Variants in DGKH observed in about 807,000 individuals in gnomAD.
DGKH encodes DAG kinase eta.
In DGKH, 90 loss-of-function variants were observed where a neutral mutation model predicts 159.3. The ratio of observed to expected loss-of-function variants is 0.57; its 90% CI spans 0.48 to 0.67. The LOEUF (loss-of-function observed/expected upper bound fraction) is 0.67. Among genes scored for constraint, DGKH ranks in the 30% least tolerant of loss-of-function variants. DGKH has a pLI of 0.00. For missense variants in DGKH, 1,181 were observed against 1,506.1 expected (o/e 0.78, Z 3.57); for synonymous variants, 536 against 553.8 (o/e 0.97, Z 0.45).
At chr13:42,088,742 G>A (rs1389536367) in intron 1 of DGKH, among the ~76,000 whole-genome samples, 2 of 152,072 alleles carry the variant, frequency 1.3e-5, no homozygotes, top group Non-Finnish European at 2.9e-5. Context: ...ATATTAAACA[G>A]CAAAATTGTA....
At chr13:42,183,918 C>G (rs866525346) in intron 13 of DGKH, among the ~76,000 whole-genome samples, 1 of 152,210 alleles carries the variant, frequency 6.6e-6, no homozygotes, top group Non-Finnish European at 1.5e-5. Context: ...CTTACGCACT[C>G]TACTCACCCC....
At position 42,127,534 on chromosome 13, in the gene DGKH, A is replaced by G. The variant is rs1178206266; in HGVS notation, c.264A>G (p.Lys88=). 1 of 1,613,780 alleles carries G rather than the reference A, an allele frequency of 6.2e-7. No homozygotes were observed. Among genetic ancestry groups the G allele is most frequent in the East Asian group, 2.2e-5 (1 of 44,862 alleles). ...SFQRWKKRYF[K]LRGRTLYYAK... ...AAAGGTGGAAAAAGCGATACTTCAA[A>G]CTTCGAGGCCGCACCCTTTACTATG... is the stretch of plus-strand genomic sequence containing the variant. The change falls in exon 2 of 30, where the codon AAA becomes AAG. Residue 88 remains lysine, a synonymous_variant. Transcript: ENST00000337343.
At chr13:42,192,627 T>TTTCTTC (rs140648748) in intron 16 of DGKH, among the ~76,000 whole-genome samples, 2 of 150,456 alleles carry the variant, frequency 1.3e-5, no homozygotes, top group African/African-American at 2.4e-5. Flanking sequence ...TTCTTTCTTC[T>TTTCTTC]TTCTTCTTCT....
rs1279153217 is a variant in DGKH at position 42,234,953 on chromosome 13, A to AT, written c.*5771dup. On this transcript the variant is annotated 3_prime_UTR_variant, in exon 30 of 30. Coordinates refer to ENST00000337343, the MANE Select transcript of DGKH (RefSeq NM_178009.5). ...GGTTTTTATAATACACAAAGCATTA[A>AT]TTTTTTCTTATCTTATTTTCTCTTT... The AT allele has an allele frequency of 4.6e-5, 7 of 152,088 alleles. No individual in the cohort carries two copies. The highest frequency in any genetic ancestry group is 1.7e-4 in the African/African-American group (7 of 41,396). 9.4% of individuals were successfully genotyped at this position (152,088 alleles called of 1,614,324 possible).
chr13:42,241,422 A>T lies in DGKH; in HGVS notation c.*12234A>T, dbSNP rs1298358338. 3 of 152,222 alleles carry T rather than the reference A, an allele frequency of 2.0e-5. No homozygotes were observed. In the East Asian group the frequency reaches 5.8e-4, roughly 29 times the overall value. The allele number at this position is 152,222 out of a possible 1,614,324, so 9.4% of individuals were successfully genotyped here. On this transcript the variant is annotated 3_prime_UTR_variant, in exon 30 of 30. Coordinates refer to ENST00000337343, the MANE Select transcript of DGKH (RefSeq NM_178009.5). ...ATCATAAAGAGGTAATCCCATTTTTATGTCCACAATTTTTACATTTTTGTA... is the reference window on the plus strand; with the variant it reads ...ATCATAAAGAGGTAATCCCATTTTTTTGTCCACAATTTTTACATTTTTGTA...
chr13:42,055,535 C>CTT (rs1319925849), intron 1 of DGKH, among the ~76,000 whole-genome samples: 1 of 152,154 alleles, frequency 6.6e-6, no homozygotes, highest in Non-Finnish European at 1.5e-5. Flanking sequence ...ATTTAGAACT[C>CTT]TTTCACTTAG....
chr13:42,056,219 C>G (rs529737150), intron 1 of DGKH, among the ~76,000 whole-genome samples: 2 of 151,760 alleles, frequency 1.3e-5, no homozygotes, highest in Non-Finnish European at 2.9e-5. Context: ...TTATATAGTT[C>G]CTTATTTTTT....
At chr13:42,092,655 T>C (rs527919892) in intron 1 of DGKH, among the ~76,000 whole-genome samples, 3 of 152,048 alleles carry the variant, frequency 2.0e-5, no homozygotes, top group Non-Finnish European at 4.4e-5. Context: ...TATAGTTAGA[T>C]AGAAGGAGTA....
Position 42,231,174 on chromosome 13 carries a change from T to G in DGKH, c.*1986T>G, listed in dbSNP as rs1958283270. 6.6e-6 allele frequency: 1 copy of G among 152,092 alleles called. No homozygotes were observed. The highest frequency in any genetic ancestry group is 2.4e-5 in the African/African-American group (1 of 41,376). 9.4% of individuals were successfully genotyped at this position (152,092 alleles called of 1,614,324 possible). A position where few individuals can be genotyped will look rare whatever the true frequency, so the allele number is the denominator to read the frequency against. ...GTTCGAGACCAGCCTGACCAGTGTA[T>G]GAAACCCCATCTCTACTAAAAATAC... On this transcript the variant is annotated 3_prime_UTR_variant, in exon 30 of 30. Transcript: ENST00000337343.
At chr13:42,249,962 T>G (rs1178925725) in intron 29 of DGKH, among the ~76,000 whole-genome samples, 1 of 151,440 alleles carries the variant, frequency 6.6e-6, no homozygotes, top group Non-Finnish European at 1.5e-5. Flanking sequence ...CCAGCTCCAG[T>G]TTTTTTGTTT....
chr13:42,207,029 C>CTTTCTT (rs1566191802), intron 21 of DGKH, among the ~76,000 whole-genome samples: 79 of 92,034 alleles, frequency 8.6e-4, no homozygotes, highest in African/African-American at 2.4e-3. Flanking sequence ...CTTTCTTTTT[C>CTTTCTT]TTTCTTTCTT....
At chr13:42,111,441 G>A (rs9566919) in intron 1 of DGKH, among the ~76,000 whole-genome samples, 40,991 of 152,008 alleles carry the variant, frequency 0.27, 5,645 homozygotes, top group Non-Finnish European at 0.3. Context: ...TTAGCCGGGC[G>A]TGGTGGCACG....
rs958412227 is a variant in DGKH, at chr13:42,185,414, A to G, written c.1539-1635A>G. Among the ~76,000 whole-genome samples the G allele has an allele frequency of 5.3e-5, 8 of 152,270 alleles. No homozygotes were observed. In the South Asian group the frequency reaches 1.5e-3, roughly 28 times the overall value. On this transcript the variant is annotated intron_variant, in intron 13 of 29. Coordinates refer to ENST00000337343, the MANE Select transcript of DGKH (RefSeq NM_178009.5). ...GTCAGCCTCTGTTTGCCTCAGTGAC[A>G]TGGCACACTGAGGAGGGGCACCCCT...
chr13:42,183,584 C>G (rs1351523505), intron 13 of DGKH, among the ~76,000 whole-genome samples: 3 of 152,096 alleles, frequency 2.0e-5, no homozygotes, highest in Non-Finnish European at 4.4e-5. Flanking sequence ...ATAATAATTC[C>G]CAGTAGCCTT....
chr13:42,076,841 G>A (rs1381917684), intron 1 of DGKH, among the ~76,000 whole-genome samples: 1 of 152,090 alleles, frequency 6.6e-6, no homozygotes, highest in African/African-American at 2.4e-5. Flanking sequence ...AAAATGACTT[G>A]TTATAGCTCC....
intron 26 of DGKH, among the ~76,000 whole-genome samples, chr13:42,216,346 G>T (rs1957794262): frequency 6.6e-6 from 1 of 152,136 alleles, no homozygotes; most frequent in South Asian, 2.1e-4. Context: ...CCCACATGCT[G>T]TTATCACTGT....
At chr13:42,214,849 C>T (rs1251518669) in intron 25 of DGKH, among the ~76,000 whole-genome samples, 1 of 152,136 alleles carries the variant, frequency 6.6e-6, no homozygotes, top group Non-Finnish European at 1.5e-5. Context: ...TTGTCACCTT[C>T]CATCTGTCTT....
At chr13:42,087,056 C>CACACACACAG (rs1385658515) in intron 1 of DGKH, among the ~76,000 whole-genome samples, 7 of 147,740 alleles carry the variant, frequency 4.7e-5, no homozygotes, top group South Asian at 2.2e-4. Flanking sequence ...CACACACACA[C>CACACACACAG]ACACACACAC....
At chr13:42,094,644 A>G (rs79460576) in intron 1 of DGKH, among the ~76,000 whole-genome samples, 10 of 152,348 alleles carry the variant, frequency 6.6e-5, no homozygotes, top group African/African-American at 2.4e-4. Flanking sequence ...AACGTACAAC[A>G]TTGTACCATT....
Sources: gnomAD v4.1 joint callset for allele counts (sites outside exome capture counted in the v4.1 genomes callset) on GRCh38, gnomAD v4.1.1 for gene constraint, MANE v1.5 for transcripts, NCBI Gene and HGNC (gene_info 2026-07-23, HGNC 2026-07-21) for gene names.